The following DNAH7 variants were observed in gnomAD, a reference collection of about 807,000 sequenced individuals.
DNAH7 encodes dynein axonemal heavy chain 7, also known as axonemal beta dynein heavy chain 7.
Under a neutral mutation model 444.6 loss-of-function variants are expected in DNAH7, and 397 were observed. That is an observed-to-expected ratio of 0.89 (90% CI 0.82 to 0.97). The LOEUF (loss-of-function observed/expected upper bound fraction) is 0.97. Ranked by LOEUF, DNAH7 falls within the 50% of genes least tolerant of loss-of-function variation. DNAH7 has a pLI of 0.00. For missense variants in DNAH7, 4,902 were observed against 4,800.8 expected (o/e 1.02, Z -0.62); for synonymous variants, 1,636 against 1,624.4 (o/e 1.01, Z -0.17).
At chr2:195,937,301 T>G (rs1027357820) in intron 19 of DNAH7, among the ~76,000 whole-genome samples, 3 of 152,142 alleles carry the variant, frequency 2.0e-5, no homozygotes, top group Non-Finnish European at 4.4e-5. Flanking sequence ...AGATCTTACA[T>G]TGTAAACAAT....
At chr2:195,742,918 G>A (rs1468142417) in intron 63 of DNAH7, among the ~76,000 whole-genome samples, 2 of 152,198 alleles carry the variant, frequency 1.3e-5, no homozygotes, top group Non-Finnish European at 2.9e-5. Flanking sequence ...TCCTGGGTGT[G>A]TCTAAGAGGG....
chr2:196,051,398 G>A, intron 2 of DNAH7, 149 bp from the exon 3 acceptor site: 3 of 666,168 alleles, frequency 4.5e-6, no homozygotes, highest in South Asian at 3.8e-5. Flanking sequence ...TAAATTCTCA[G>A]GTTTGTCTCA....
intron 12 of DNAH7, among the ~76,000 whole-genome samples, chr2:195,999,989 CAAG>C (rs1403529620): frequency 1.3e-5 from 2 of 152,206 alleles, no homozygotes; most frequent in South Asian, 2.1e-4. Flanking sequence ...AGGATGTAAA[CAAG>C]AAGGAGCAAA....
intron 63 of DNAH7, among the ~76,000 whole-genome samples, chr2:195,744,065 C>T (rs987015522): frequency 6.6e-6 from 1 of 152,234 alleles, no homozygotes; most frequent in Non-Finnish European, 1.5e-5. Context: ...CAAGGCATTG[C>T]CTCACTCGGG....
intron 63 of DNAH7, 26 bp from the exon 64 acceptor site, chr2:195,740,895 A>G (rs1423185308): frequency 1.4e-6 from 2 of 1,391,396 alleles, no homozygotes; most frequent in Non-Finnish European, 2.0e-6. Context: ...ACACATTAAT[A>G]TAACACTTGA....
intron 63 of DNAH7, 91 bp downstream of exon 63, chr2:195,754,246 A>G: frequency 7.7e-7 from 1 of 1,306,888 alleles, no homozygotes; most frequent in Non-Finnish European, 1.0e-6. Flanking sequence ...CATGTTTATT[A>G]CTTTTTTAAC....
At chr2:195,936,237 G>A (rs1405728233) in intron 20 of DNAH7, among the ~76,000 whole-genome samples, 1 of 152,152 alleles carries the variant, frequency 6.6e-6, no homozygotes, top group Non-Finnish European at 1.5e-5. Context: ...AGCTGGGCAT[G>A]GTGGCGCACG....
chr2:195,886,681 A>G (rs116145192), intron 33 of DNAH7, among the ~76,000 whole-genome samples: 1,755 of 152,306 alleles, frequency 0.012, 16 homozygotes, highest in Non-Finnish European at 0.017. Context: ...TAAACTCATC[A>G]CTATGAAATA....
intron 8 of DNAH7, among the ~76,000 whole-genome samples, chr2:196,022,576 G>A (rs1399759880): frequency 6.6e-6 from 1 of 152,166 alleles, no homozygotes. Context: ...TTTATCATGA[G>A]ATGGGAGAAA....
intron 29 of DNAH7, among the ~76,000 whole-genome samples, chr2:195,896,601 C>T (rs1702333244): frequency 6.6e-6 from 1 of 152,148 alleles, no homozygotes; most frequent in Non-Finnish European, 1.5e-5. Context: ...TTGAGAAATA[C>T]TGCTTAATAA....
intron 58 of DNAH7, among the ~76,000 whole-genome samples, chr2:195,778,963 C>T (rs1695242391): frequency 6.6e-6 from 1 of 151,680 alleles, no homozygotes; most frequent in Non-Finnish European, 1.5e-5. Flanking sequence ...CCTGCCTCAG[C>T]CTCCCGAGTA....
At chr2:196,010,729 A>T (rs1279549588) in intron 10 of DNAH7, among the ~76,000 whole-genome samples, 1 of 152,152 alleles carries the variant, frequency 6.6e-6, no homozygotes, top group Admixed American at 6.6e-5. Flanking sequence ...GTGTGTGTGT[A>T]TAGTATATAA....
At chr2:195,866,481 T>C (rs1024879187) in intron 40 of DNAH7, among the ~76,000 whole-genome samples, 12 of 152,354 alleles carry the variant, frequency 7.9e-5, no homozygotes, top group African/African-American at 1.7e-4. Flanking sequence ...AATCTTTGAA[T>C]TGAGGTACTT....
At chr2:196,026,333 T>C (rs1265276367) in intron 7 of DNAH7, among the ~76,000 whole-genome samples, 11 of 152,242 alleles carry the variant, frequency 7.2e-5, no homozygotes, top group African/African-American at 2.4e-4. Context: ...GTAATACTAA[T>C]GTTCATTGTT....
chr2:195,777,715 G>A, intron 59 of DNAH7, 85 bp downstream of exon 59: 1 of 1,408,296 alleles, frequency 7.1e-7, no homozygotes, highest in Non-Finnish European at 9.7e-7. Context: ...AAGGCCTGCA[G>A]CAAAATCACC....
chr2:195,925,143 T>A (rs1688252127), intron 22 of DNAH7, among the ~76,000 whole-genome samples: 1 of 152,198 alleles, frequency 6.6e-6, no homozygotes, highest in South Asian at 2.1e-4. Context: ...TTTTTTATTT[T>A]TTTTTTTAAG....
chr2:195,794,461 T>C lies in DNAH7; in HGVS notation c.10593A>G (p.Ser3531=), dbSNP rs773642812. The change falls in exon 57 of 65, where the codon TCA becomes TCG. Residue 3531 remains serine, a synonymous_variant. Coordinates refer to ENST00000312428, the MANE Select transcript of DNAH7 (RefSeq NM_018897.3). ...TCATTTTCACTCCATTCTGCAGTAC[T>C]GACACAGGGAAATTTGGAGATGGGT... ...TSYPSPNFPV[S]VLQNGVKMTN... The C allele has an allele frequency of 6.8e-6, 11 of 1,614,102 alleles. No homozygotes were observed. Among genetic ancestry groups the C allele is most frequent in the South Asian group, 1.1e-5 (1 of 91,094 alleles).
At chr2:195,954,384 T>C (rs1158444695) in intron 19 of DNAH7, among the ~76,000 whole-genome samples, 1 of 152,240 alleles carries the variant, frequency 6.6e-6, no homozygotes, top group Non-Finnish European at 1.5e-5. Context: ...TGCATAGTAT[T>C]CCATTGTGTA....
intron 51 of DNAH7, among the ~76,000 whole-genome samples, chr2:195,814,819 C>T (rs779183796): frequency 8.6e-5 from 13 of 151,856 alleles, no homozygotes; most frequent in South Asian, 4.2e-4. Flanking sequence ...CGACTCACTG[C>T]GGCCTCAACC....
Sources: gnomAD v4.1 joint callset for allele counts (sites outside exome capture counted in the v4.1 genomes callset) on GRCh38, gnomAD v4.1.1 for gene constraint, MANE v1.5 for transcripts, NCBI Gene and HGNC (gene_info 2026-07-23, HGNC 2026-07-21) for gene names.